CAP2: variants seen among roughly 807,000 people sequenced by gnomAD.
CAP2 encodes the protein cyclase associated actin cytoskeleton regulatory protein 2, also known as adenylyl cyclase-associated protein 2.
In CAP2, 24 loss-of-function variants were observed where a neutral mutation model predicts 57.7. That is an observed-to-expected ratio of 0.42 (90% CI 0.30 to 0.58). The LOEUF is 0.58. CAP2 is among the 20% of genes least tolerant of loss of function. CAP2 has a pLI of 0.22. For synonymous variants in CAP2, 194 were observed against 207.2 expected (o/e 0.94, Z 0.55); for missense variants, 501 against 590.3 (o/e 0.85, Z 1.57).
intron 7 of CAP2, among the ~76,000 whole-genome samples, chr6:17,516,829 T>C (rs1762282845): frequency 6.6e-6 from 1 of 152,222 alleles, no homozygotes; most frequent in African/African-American, 2.4e-5. Flanking sequence ...TCCAACACTT[T>C]TACAAATGTT....
intron 12 of CAP2, among the ~76,000 whole-genome samples, chr6:17,553,540 GGA>G (rs1269126587): frequency 6.6e-6 from 1 of 151,958 alleles, no homozygotes; most frequent in East Asian, 1.9e-4. Context: ...GGCTGAAGAA[GGA>G]GAGTCACTTG....
At chr6:17,459,505 T>C (rs970450220) in intron 3 of CAP2, among the ~76,000 whole-genome samples, 2 of 152,140 alleles carry the variant, frequency 1.3e-5, no homozygotes, top group Non-Finnish European at 2.9e-5. Context: ...GAGGCTAGCA[T>C]GCAAAGTAGA....
At chr6:17,463,213 T>C (rs1760775185) in intron 4 of CAP2, 140 bp downstream of exon 4, 1 of 624,502 alleles carries the variant, frequency 1.6e-6, no homozygotes, top group Non-Finnish European at 2.9e-6. Context: ...GTCTCTAATC[T>C]GGATCATGGT....
intron 1 of CAP2, among the ~76,000 whole-genome samples, chr6:17,420,160 G>A (rs540624672): frequency 3.3e-5 from 5 of 152,158 alleles, no homozygotes; most frequent in South Asian, 4.1e-4. Flanking sequence ...GTGAGCCACC[G>A]CACCCAGTCA....
At chr6:17,529,651 A>AAAAAAAAAAAAAAATATAT (rs10656588) in intron 7 of CAP2, among the ~76,000 whole-genome samples, 1 of 134,536 alleles carries the variant, frequency 7.4e-6, no homozygotes, top group Non-Finnish European at 1.5e-5. Context: ...AAAAAAAAAA[A>AAAAAAAAAAAAAAATATAT]ATATATATAT....
intron 4 of CAP2, among the ~76,000 whole-genome samples, chr6:17,476,624 C>T (rs1761155077): frequency 6.6e-6 from 1 of 152,170 alleles, no homozygotes; most frequent in Admixed American, 6.5e-5. Flanking sequence ...GCTCCCTTGG[C>T]ACTGGTCTTT....
intron 7 of CAP2, among the ~76,000 whole-genome samples, chr6:17,520,763 C>T (rs756832321): frequency 1.3e-5 from 2 of 152,128 alleles, no homozygotes; most frequent in African/African-American, 2.4e-5. Context: ...AATATGTATG[C>T]CTTGTACGTT....
At chr6:17,496,027 T>TTGCGG (rs1554127012) in intron 4 of CAP2, among the ~76,000 whole-genome samples, 2 of 44,334 alleles carry the variant, frequency 4.5e-5, no homozygotes, top group East Asian at 6.2e-4. Flanking sequence ...CGTGTGTGGG[T>TTGCGG]GGGGGGGGGG....
chr6:17,431,158 A>C (rs1759719763), intron 3 of CAP2, among the ~76,000 whole-genome samples: 1 of 152,120 alleles, frequency 6.6e-6, no homozygotes, highest in Non-Finnish European at 1.5e-5. Flanking sequence ...TGGAGGGTGG[A>C]GGGCAGAAGA....
At chr6:17,556,272 G>A in intron 12 of CAP2, 87 bp from the exon 13 acceptor site, 1 of 910,716 alleles carries the variant, frequency 1.1e-6, no homozygotes, top group Non-Finnish European at 1.8e-6. Flanking sequence ...GCACAAATCA[G>A]CCTCACCATC....
intron 4 of CAP2, among the ~76,000 whole-genome samples, chr6:17,471,559 A>G (rs999177555): frequency 6.6e-6 from 1 of 152,174 alleles, no homozygotes; most frequent in Admixed American, 6.5e-5. Context: ...TAGGCCGGGC[A>G]CGGTGGCTCA....
chr6:17,432,939 T>TCCTC (rs200882241), intron 3 of CAP2, among the ~76,000 whole-genome samples: 3 of 148,238 alleles, frequency 2.0e-5, no homozygotes, highest in East Asian at 3.9e-4. Flanking sequence ...CCCTTCTTTT[T>TCCTC]CCTCCCTCCC....
chr6:17,402,273 A>C (rs1157789795), intron 1 of CAP2, among the ~76,000 whole-genome samples: 1 of 152,142 alleles, frequency 6.6e-6, no homozygotes, highest in Non-Finnish European at 1.5e-5. Flanking sequence ...CATTTTCCTA[A>C]TCCATTTTAC....
At chr6:17,510,055 A>G (rs1762105825) in intron 6 of CAP2, among the ~76,000 whole-genome samples, 1 of 152,204 alleles carries the variant, frequency 6.6e-6, no homozygotes, top group African/African-American at 2.4e-5. Flanking sequence ...GAGAAAGTAG[A>G]TTAACAGTTG....
rs1219145066 is a variant in CAP2 at position 17,507,270 on chromosome 6, G to A, written c.402G>A (p.Ser134=). 38 of 1,613,996 alleles carry A rather than the reference G, an allele frequency of 2.4e-5. No individual in the cohort carries two copies. The highest frequency in any genetic ancestry group is 2.7e-5 in the Non-Finnish European group (32 of 1,180,032). The change falls in exon 5 of 13, where the codon TCG becomes TCA. Residue 134 remains serine (S), a synonymous_variant. Coordinates refer to ENST00000229922, the MANE Select transcript of CAP2 (RefSeq NM_006366.3). ...NRGSNMFNHL[S]AVSESIPALG... ...GGAGTAACATGTTTAATCATCTTTCGGCCGTCAGCGAAAGCATCCCTGCCC... is the reference window on the plus strand; with the variant it reads ...GGAGTAACATGTTTAATCATCTTTCAGCCGTCAGCGAAAGCATCCCTGCCC...
At chr6:17,439,649 A>T (rs1315036527) in intron 3 of CAP2, among the ~76,000 whole-genome samples, 1 of 151,536 alleles carries the variant, frequency 6.6e-6, no homozygotes, top group Non-Finnish European at 1.5e-5. Context: ...GTGACAGATC[A>T]TCAGGCATTA....
chr6:17,547,555 T>C (rs938681795), intron 11 of CAP2, among the ~76,000 whole-genome samples: 8 of 152,202 alleles, frequency 5.3e-5, no homozygotes, highest in African/African-American at 1.9e-4. Flanking sequence ...TTGAAAGTTC[T>C]AACTGACCGG....
intron 3 of CAP2, among the ~76,000 whole-genome samples, chr6:17,442,723 A>T (rs1281224807): frequency 2.0e-5 from 3 of 146,774 alleles, no homozygotes; most frequent in Non-Finnish European, 4.5e-5. Flanking sequence ...CCCCATCACT[A>T]TTTTTTTTTT....
intron 3 of CAP2, among the ~76,000 whole-genome samples, chr6:17,459,307 TCC>T (rs1760663410): frequency 6.6e-6 from 1 of 152,202 alleles, no homozygotes; most frequent in African/African-American, 2.4e-5. Flanking sequence ...ATTCTTCCTC[TCC>T]CTGTTCTAGC....
Sources: allele counts gnomAD v4.1 joint callset (sites outside exome capture counted in the v4.1 genomes callset), GRCh38; gene constraint gnomAD v4.1.1; transcripts MANE v1.5; gene names NCBI Gene and HGNC (gene_info 2026-07-23, HGNC 2026-07-21).